Variants in DOCK5 observed in about 807,000 individuals in gnomAD.
The protein encoded by DOCK5 is dedicator of cytokinesis 5.
DOCK5 carries 142 observed loss-of-function variants against 251.8 expected under a neutral mutation model. The observed-to-expected ratio is 0.56, with a 90% CI of 0.49 to 0.65. The LOEUF is 0.65. DOCK5 is among the 30% of genes least tolerant of loss of function. DOCK5 has a pLI of 0.00. For missense variants in DOCK5, 2,111 were observed against 2,312.3 expected (o/e 0.91, Z 1.79); for synonymous variants, 842 against 835.5 (o/e 1.01, Z -0.13).
intron 40 of DOCK5, among the ~76,000 whole-genome samples, chr8:25,384,084 T>C (rs1172792220): frequency 3.3e-5 from 5 of 152,222 alleles, no homozygotes; most frequent in Admixed American, 1.3e-4. Context: ...AACAGAATAC[T>C]GCAGCAGCCA....
intron 2 of DOCK5, among the ~76,000 whole-genome samples, chr8:25,246,941 C>T (rs1252009517): frequency 3.3e-5 from 5 of 151,616 alleles, no homozygotes; most frequent in African/African-American, 1.2e-4. Flanking sequence ...AGCTGGAGTA[C>T]AGTAGTGTGA....
At chr8:25,393,116 A>G (rs1801289204) in intron 44 of DOCK5, among the ~76,000 whole-genome samples, 1 of 152,164 alleles carries the variant, frequency 6.6e-6, no homozygotes, top group South Asian at 2.1e-4. Flanking sequence ...TTATGTCCAG[A>G]GGAGTGGTGT....
rs979749649 is a variant in DOCK5 at position 25,370,071 on chromosome 8, T to C, written c.3524+430T>C. 1.1e-4 allele frequency among the ~76,000 whole-genome samples: 17 copies of C among 152,332 alleles called. No individual in the cohort carries two copies. The South Asian group carries it at 3.1e-3, about 28-fold the overall frequency. On this transcript the variant is annotated intron_variant, in intron 34 of 51. Transcript: ENST00000276440. Reference sequence around the variant, plus strand: ...GACATATAACCAAAGCAGTTCTGTCTCCAGCCAGGTTGGTCTTTTTCCTGC... The same window carrying C: ...GACATATAACCAAAGCAGTTCTGTCCCCAGCCAGGTTGGTCTTTTTCCTGC...
chr8:25,389,864 G>A lies in DOCK5; in HGVS notation c.4274-342G>A, dbSNP rs146741393. 1.6e-3 allele frequency among the ~76,000 whole-genome samples: 238 copies of A among 152,098 alleles called. 3 individuals carry two copies. In the East Asian group the frequency reaches 0.028, roughly 18 times the overall value. Reference sequence around the variant, plus strand: ...TCTTGTTGCCTGGGCTCTGATTCTGGTGATTTCAGAGGGATGCTTGTCCCA... The same window carrying A: ...TCTTGTTGCCTGGGCTCTGATTCTGATGATTTCAGAGGGATGCTTGTCCCA... On this transcript the variant is annotated intron_variant, in intron 41 of 51. Coordinates refer to ENST00000276440, the MANE Select transcript of DOCK5 (RefSeq NM_024940.8).
At chr8:25,325,222 G>A in intron 17 of DOCK5, 142 bp from the exon 18 acceptor site, 1 of 772,096 alleles carries the variant, frequency 1.3e-6, no homozygotes, top group Non-Finnish European at 2.1e-6. Context: ...AGATATCAGA[G>A]TATCTCAGAG....
At chr8:25,354,027 T>TTAAAA (rs1335448074) in intron 27 of DOCK5, among the ~76,000 whole-genome samples, 3 of 7,756 alleles carry the variant, frequency 3.9e-4, no homozygotes, top group African/African-American at 6.0e-4. Flanking sequence ...GACTTTGTCT[T>TTAAAA]AAAAAAAAAA....
At chr8:25,280,691 A>T (rs1182220750) in intron 5 of DOCK5, among the ~76,000 whole-genome samples, 1 of 152,220 alleles carries the variant, frequency 6.6e-6, no homozygotes, top group Non-Finnish European at 1.5e-5. Context: ...AATAAAGGTG[A>T]TCTTTTGATC....
chr8:25,380,814 G>A (rs1801051471), intron 39 of DOCK5, among the ~76,000 whole-genome samples: 1 of 151,982 alleles, frequency 6.6e-6, no homozygotes, highest in African/African-American at 2.4e-5. Flanking sequence ...CCACCATTCT[G>A]AAAGCTCAGT....
At chr8:25,312,761 C>CAAAAAA (rs3085652) in intron 13 of DOCK5, among the ~76,000 whole-genome samples, 2 of 113,906 alleles carry the variant, frequency 1.8e-5, no homozygotes, top group African/African-American at 7.0e-5. Flanking sequence ...GACTCCGTCT[C>CAAAAAA]AAAAAAAAAA....
intron 48 of DOCK5, among the ~76,000 whole-genome samples, chr8:25,405,355 G>A (rs1801505305): frequency 6.6e-6 from 1 of 151,058 alleles, no homozygotes; most frequent in Admixed American, 6.6e-5. Context: ...AAGATGTTAA[G>A]TATGGAGCCA....
chr8:25,226,627 CCA>C (rs1802539518), intron 1 of DOCK5, among the ~76,000 whole-genome samples: 5 of 151,030 alleles, frequency 3.3e-5, no homozygotes, highest in African/African-American at 1.2e-4. Context: ...GCTGTGTTCC[CCA>C]GATTGGAGTG....
chr8:25,400,773 C>G (rs1479899576), intron 46 of DOCK5, among the ~76,000 whole-genome samples, 156 bp from the exon 47 acceptor site: 1 of 152,170 alleles, frequency 6.6e-6, no homozygotes, highest in Non-Finnish European at 1.5e-5. Flanking sequence ...CAAAGTCCAT[C>G]CAGTCCACAA....
At chr8:25,222,133 A>G (rs1802407047) in intron 1 of DOCK5, among the ~76,000 whole-genome samples, 1 of 152,116 alleles carries the variant, frequency 6.6e-6, no homozygotes, top group Admixed American at 6.6e-5. Flanking sequence ...CGCTTTCTTC[A>G]TGCTGGTCCA....
In DOCK5 at chr8:25,184,963, C is replaced by T. The variant is rs776041642; in HGVS notation, c.43+12C>T. The T allele has an allele frequency of 1.4e-6, 2 of 1,403,096 alleles. No individual in the cohort carries two copies. Among genetic ancestry groups the T allele is most frequent in the East Asian group, 2.8e-5 (1 of 35,492 alleles). 86.9% of individuals were successfully genotyped at this position (1,403,096 alleles called of 1,614,324 possible). A position where few individuals can be genotyped will look rare whatever the true frequency, so the allele number is the denominator to read the frequency against. ...GAAGTACGGGGTTGGTGAGTGCGCG[C>T]CCCACCTTGTCCCGGCCCGACCCAC... On this transcript the variant is annotated intron_variant, in intron 1 of 51. Coordinates refer to ENST00000276440, the MANE Select transcript of DOCK5 (RefSeq NM_024940.8).
chr8:25,248,965 G>A (rs1803195934), intron 2 of DOCK5, among the ~76,000 whole-genome samples: 2 of 152,140 alleles, frequency 1.3e-5, no homozygotes, highest in Admixed American at 1.3e-4. Flanking sequence ...GCAATTATAG[G>A]AGGATTTAGT....
chr8:25,392,655 C>T (rs1256516115), intron 43 of DOCK5, 141 bp from the exon 44 acceptor site: 2 of 708,118 alleles, frequency 2.8e-6, no homozygotes, highest in East Asian at 2.7e-5. Flanking sequence ...AAATTTGGCT[C>T]AGTCTCTACG....
chr8:25,305,609 A>G (rs562248108), intron 11 of DOCK5, among the ~76,000 whole-genome samples: 2 of 152,332 alleles, frequency 1.3e-5, no homozygotes, highest in South Asian at 4.1e-4. Context: ...TATTTGTAAT[A>G]TATAAAGAAT....
At chr8:25,304,149 C>T (rs1804839778) in intron 10 of DOCK5, 106 bp from the exon 11 acceptor site, 1 of 953,948 alleles carries the variant, frequency 1.0e-6, no homozygotes, top group East Asian at 2.9e-5. Context: ...TGCTTAGTAC[C>T]TTTCTTCCTG....
intron 21 of DOCK5, among the ~76,000 whole-genome samples, chr8:25,335,383 A>G (rs1294056663): frequency 1.3e-5 from 2 of 152,076 alleles, no homozygotes; most frequent in African/African-American, 2.4e-5. Flanking sequence ...GATCAATTCT[A>G]TATGTTTCCT....
Sources: gnomAD v4.1 joint callset for allele counts (sites outside exome capture counted in the v4.1 genomes callset) on GRCh38, gnomAD v4.1.1 for gene constraint, MANE v1.5 for transcripts, NCBI Gene and HGNC (gene_info 2026-07-23, HGNC 2026-07-21) for gene names.